SPG7: variants seen among roughly 807,000 people sequenced by gnomAD.
SPG7 encodes SPG7 matrix AAA peptidase subunit, paraplegin, also known as mitochondrial inner membrane m-AAA protease component paraplegin.
SPG7 carries 103 observed loss-of-function variants against 81.9 expected under a neutral mutation model. That is an observed-to-expected ratio of 1.26 (90% confidence interval 1.07 to 1.48). The LOEUF (loss-of-function observed/expected upper bound fraction) is 1.48. Among genes scored for constraint, SPG7 ranks in the 40% most tolerant of loss-of-function variants. The pLI, the probability that SPG7 is intolerant of heterozygous loss-of-function variation, is 0.00. For synonymous variants in SPG7, 534 were observed against 444.2 expected (o/e 1.20, Z -2.54); for missense variants, 1,241 against 1,087.3 (o/e 1.14, Z -1.99).
At chr16:89,528,395 CAA>C (rs1184740621) in intron 5 of SPG7, among the ~76,000 whole-genome samples, 29 of 93,438 alleles carry the variant, frequency 3.1e-4, no homozygotes, top group Admixed American at 4.8e-4. Context: ...CCATCTCAAA[CAA>C]AAAAAAAAAA....
rs462464 is a variant in SPG7 at position 89,546,629 on chromosome 16, G to A, written c.1450-29G>A. 314,608 of 1,510,294 alleles carry A rather than the reference G, an allele frequency of 0.21. 33,547 individuals carry two copies. The highest frequency in any genetic ancestry group is 0.23 in the South Asian group (20,326 of 89,108). The allele number at this position is 1,510,294 out of a possible 1,614,324, so 93.6% of individuals were successfully genotyped here. A position where few individuals can be genotyped will look rare whatever the true frequency, so the allele number is the denominator to read the frequency against. On this transcript the variant is annotated intron_variant, in intron 10 of 16. Transcript: ENST00000645818. ...TGTGGCAGTAACTAGGCTTGAGCCCGACTGTCTTTCCTCCCCTGGTTCTGG... is the reference window on the plus strand; with the variant it reads ...TGTGGCAGTAACTAGGCTTGAGCCCAACTGTCTTTCCTCCCCTGGTTCTGG...
intron 13 of SPG7, chr16:89,551,302 A>T (rs1041920485): frequency 6.1e-6 from 1 of 163,044 alleles, no homozygotes; most frequent in African/African-American, 2.4e-5. Flanking sequence ...TTCCTACCTC[A>T]GGGTTCACTG....
intron 12 of SPG7, chr16:89,549,607 A>C: frequency 4.1e-6 from 1 of 243,894 alleles, no homozygotes; most frequent in Non-Finnish European, 8.1e-6. Context: ...GGTTGAAGCA[A>C]CAGTGAGCCG....
chr16:89,526,750 T>C (rs983497465), intron 5 of SPG7: 11 of 399,816 alleles, frequency 2.8e-5, no homozygotes, highest in Non-Finnish European at 4.7e-5. Flanking sequence ...TCTAAGCCCC[T>C]GATGTAGATG....
intron 10 of SPG7, 80 bp from the exon 11 acceptor site, chr16:89,546,578 C>G (rs541143764): frequency 3.2e-6 from 3 of 942,672 alleles, no homozygotes; most frequent in Non-Finnish European, 5.2e-6. Context: ...GGGACCCCCC[C>G]CCCCCACAGA....
chr16:89,519,919 G>C (rs1157173370), intron 3 of SPG7: 1 of 152,200 alleles, frequency 6.6e-6, no homozygotes, highest in Non-Finnish European at 1.5e-5. Flanking sequence ...ATGACTGATT[G>C]AAGTGAGTTA....
At chr16:89,535,075 C>T (rs2058394249) in intron 9 of SPG7, among the ~76,000 whole-genome samples, 1 of 152,204 alleles carries the variant, frequency 6.6e-6, no homozygotes, top group South Asian at 2.1e-4. Flanking sequence ...AGGCCAGTGA[C>T]ATTCAGGAAT....
At position 89,531,132 on chromosome 16, in the gene SPG7, A is replaced by G. The variant is rs568844022; in HGVS notation, c.987+324A>G. The stretch of plus-strand genomic sequence containing the variant: ...CACCTTAGCCAGTTGGTGGCAGTGC[A>G]TGAGCTGCCTATCACGTGCGTCACT... On this transcript the variant is annotated intron_variant, in intron 7 of 16. Coordinates refer to ENST00000645818, the MANE Select transcript of SPG7 (RefSeq NM_003119.4). The G allele has an allele frequency of 9.0e-6, 4 of 446,822 alleles. No individual in the cohort carries two copies. In the Admixed American group the frequency reaches 1.4e-4, roughly 15 times the overall value. 27.7% of individuals were successfully genotyped at this position (446,822 alleles called of 1,614,324 possible).
chr16:89,546,566 TG>T, intron 10 of SPG7, 91 bp from the exon 11 acceptor site: 2 of 904,516 alleles, frequency 2.2e-6, no homozygotes, highest in Non-Finnish European at 3.6e-6. Context: ...CCCAGCTACT[TG>T]GGGACCCCCC....
chr16:89,556,070 G>C (rs1006615828), intron 16 of SPG7: 2 of 398,696 alleles, frequency 5.0e-6, no homozygotes, highest in African/African-American at 2.1e-5. Context: ...GAGCCACAAC[G>C]GGAGCAAAGC....
In SPG7 at chr16:89,532,568, C is replaced by T. The variant is rs371504521; in HGVS notation, c.1256C>T (p.Thr419Ile). ...EIDAVGKKRS[T>I]TMSGFSNTEE... ...GACGCGGTGGGCAAGAAGCGCTCCACCACCATGTCCGGCTTCTCCAACACG... is the reference window on the plus strand; with the variant it reads ...GACGCGGTGGGCAAGAAGCGCTCCATCACCATGTCCGGCTTCTCCAACACG... Residue 419 changes from threonine to isoleucine, a missense_variant, in exon 9 of 17, where the codon ACC becomes ATC. Thr to Ile is a moderately conservative substitution (Grantham distance 89). Transcript: ENST00000645818. 2.0e-5 allele frequency: 33 copies of T among 1,613,682 alleles called. No homozygotes were observed. Among genetic ancestry groups the T allele is most frequent in the South Asian group, 4.4e-5 (4 of 91,084 alleles).
At chr16:89,512,629 G>T (rs913372542) in intron 2 of SPG7, among the ~76,000 whole-genome samples, 1 of 152,192 alleles carries the variant, frequency 6.6e-6, no homozygotes, top group African/African-American at 2.4e-5. Flanking sequence ...TTCTTTTAAA[G>T]CAACTTCATA....
chr16:89,520,655 C>T (rs1356078273), intron 3 of SPG7: 5 of 152,314 alleles, frequency 3.3e-5, no homozygotes, highest in African/African-American at 4.8e-5. Flanking sequence ...CCTCAGCCTC[C>T]CAAAGTGCCT....
intron 6 of SPG7, 35 bp from the exon 7 acceptor site, chr16:89,530,648 C>A: frequency 1.2e-6 from 2 of 1,613,922 alleles, no homozygotes; most frequent in South Asian, 1.1e-5. Flanking sequence ...TTCCTGACTT[C>A]GCCCAGCTCC....
chr16:89,528,025 CA>C (rs1331416784), intron 5 of SPG7, among the ~76,000 whole-genome samples: 1 of 152,038 alleles, frequency 6.6e-6, no homozygotes. Context: ...CTTTGTAGGC[CA>C]GTGATGTACA....
chr16:89,545,460 C>T, intron 10 of SPG7: 1 of 189,160 alleles, frequency 5.3e-6, no homozygotes, highest in Non-Finnish European at 1.1e-5. Context: ...GGTGCTCAGT[C>T]TCTGTTGGGA....
intron 3 of SPG7, chr16:89,523,718 G>T (rs1002601277): frequency 1.9e-5 from 10 of 535,236 alleles, no homozygotes; most frequent in Admixed American, 4.5e-5. Context: ...GTGCACCGTT[G>T]TGCCCAGGTC....
chr16:89,515,022 C>T (rs1361372300), intron 3 of SPG7, among the ~76,000 whole-genome samples: 4 of 149,510 alleles, frequency 2.7e-5, no homozygotes, highest in South Asian at 2.1e-4. Flanking sequence ...CTGCAAGCTC[C>T]GTCTCCCAGG....
intron 4 of SPG7, among the ~76,000 whole-genome samples, chr16:89,525,229 A>C (rs913062383): frequency 6.6e-6 from 1 of 152,122 alleles, no homozygotes; most frequent in Non-Finnish European, 1.5e-5. Flanking sequence ...TGGCCTTCCA[A>C]AGTGCCAGAT....
Sources: allele counts gnomAD v4.1 joint callset (sites outside exome capture counted in the v4.1 genomes callset), GRCh38; gene constraint gnomAD v4.1.1; transcripts MANE v1.5; gene names NCBI Gene and HGNC (gene_info 2026-07-23, HGNC 2026-07-21).